The following MEGF11 variants were observed in gnomAD, a reference collection of about 807,000 sequenced individuals.
The protein encoded by MEGF11 is multiple epidermal growth factor-like domains protein 11.
A neutral mutation model predicts 146.6 loss-of-function variants in MEGF11; 126 were observed. That is an observed-to-expected ratio of 0.86 (90% CI 0.74 to 1.00). The LOEUF is 1.00. Ranked by LOEUF, MEGF11 falls within the 50% of genes least tolerant of loss-of-function variation. MEGF11 has a pLI of 0.00. For missense variants in MEGF11, 1,509 were observed against 1,521.2 expected, an observed-to-expected ratio of 0.99 and a Z score of 0.13; for synonymous variants, 532 against 583.4, an observed-to-expected ratio of 0.91 and a Z score of 1.27.
At chr15:66,191,369 AT>A (rs1323133109) in intron 1 of MEGF11, among the ~76,000 whole-genome samples, 1 of 152,210 alleles carries the variant, frequency 6.6e-6, no homozygotes, top group Non-Finnish European at 1.5e-5. Flanking sequence ...AGGGGTTTCA[AT>A]GGATGCTCTG....
intron 5 of MEGF11, among the ~76,000 whole-genome samples, chr15:66,022,536 C>T (rs1259646326): frequency 1.3e-5 from 2 of 152,326 alleles, no homozygotes; most frequent in Middle Eastern, 3.4e-3. Flanking sequence ...TTAAGCATTT[C>T]TGTTTGGGCC....
Position 66,161,567 on chromosome 15 carries a change from G to GT in MEGF11, c.-8-33157dup, listed in dbSNP as rs1226944692. Among the ~76,000 whole-genome samples the GT allele has an allele frequency of 2.6e-5, 4 of 152,010 alleles. No individual in the cohort carries two copies. The East Asian group carries it at 7.7e-4, about 29-fold the overall frequency. On this transcript the variant is annotated intron_variant, in intron 1 of 25. Transcript: ENST00000395614. ...TGCCTGGCTAAATTTTTGTTTGTTT[G>GT]TTTTTTGTGGAGACAGGGTTTCACC... is the stretch of plus-strand genomic sequence containing the variant.
At chr15:66,078,019 C>T (rs1321700179) in intron 5 of MEGF11, among the ~76,000 whole-genome samples, 1 of 152,018 alleles carries the variant, frequency 6.6e-6, no homozygotes, top group Non-Finnish European at 1.5e-5. Flanking sequence ...CAGTAGCCTC[C>T]CCACCTCCCA....
chr15:65,906,426 C>G (rs908901596), intron 23 of MEGF11, among the ~76,000 whole-genome samples: 3 of 152,216 alleles, frequency 2.0e-5, no homozygotes, highest in Non-Finnish European at 4.4e-5. Context: ...TCCCTTTAAC[C>G]TTCACCCTAG....
At chr15:66,045,575 G>A (rs2084172262) in intron 5 of MEGF11, among the ~76,000 whole-genome samples, 1 of 152,212 alleles carries the variant, frequency 6.6e-6, no homozygotes. Context: ...AGGCAGGTCT[G>A]GAAGACTAGT....
chr15:66,186,938 C>T (rs1274724099), intron 1 of MEGF11, among the ~76,000 whole-genome samples: 2 of 152,220 alleles, frequency 1.3e-5, no homozygotes. Flanking sequence ...ATCCTATCTA[C>T]AATTTTGTCT....
intron 5 of MEGF11, among the ~76,000 whole-genome samples, chr15:66,006,212 T>C (rs1324479467): frequency 6.6e-6 from 1 of 151,992 alleles, no homozygotes; most frequent in Non-Finnish European, 1.5e-5. Flanking sequence ...TGGGGAGAGA[T>C]GGGAATCAGG....
At chr15:66,132,407 C>A (rs2088683978) in intron 1 of MEGF11, among the ~76,000 whole-genome samples, 1 of 152,260 alleles carries the variant, frequency 6.6e-6, no homozygotes, top group Admixed American at 6.5e-5. Flanking sequence ...CTGGCTTCAT[C>A]CTCCTGACTG....
chr15:66,204,884 A>G (rs2091260497), intron 1 of MEGF11, among the ~76,000 whole-genome samples: 1 of 152,062 alleles, frequency 6.6e-6, no homozygotes. Context: ...TGTAAAACAA[A>G]CATAAGAAGA....
intron 4 of MEGF11, among the ~76,000 whole-genome samples, chr15:66,117,485 T>C (rs1441867129): frequency 1.3e-5 from 2 of 152,164 alleles, no homozygotes; most frequent in Admixed American, 1.3e-4. Context: ...CTGCTCTTCA[T>C]TTTCCAAGAG....
chr15:65,898,451 G>A, intron 25 of MEGF11: 1 of 985,234 alleles, frequency 1.0e-6, no homozygotes, highest in Middle Eastern at 5.2e-4. Flanking sequence ...CTGTGTGTGT[G>A]TGTGCGCGCG....
rs538803813 is a variant in MEGF11 at position 66,185,958 on chromosome 15, C to T, written c.-8-57547G>A. 2.0e-5 allele frequency among the ~76,000 whole-genome samples: 3 copies of T among 152,326 alleles called. No individual in the cohort carries two copies. In the South Asian group the frequency reaches 6.2e-4, roughly 32 times the overall value. On this transcript the variant is annotated intron_variant, in intron 1 of 25. Coordinates refer to ENST00000395614, the MANE Select transcript of MEGF11 (RefSeq NM_001385028.1). ...ACTCCTGCCCTTCTCTGTGCCATAG[C>T]ATTTGCTCATCATTTCCCTGCCTGA...
chr15:66,191,389 A>G (rs967059005), intron 1 of MEGF11, among the ~76,000 whole-genome samples: 1 of 152,192 alleles, frequency 6.6e-6, no homozygotes, highest in Non-Finnish European at 1.5e-5. Context: ...TGCATCACAT[A>G]GTTGGGTGGA....
At chr15:65,998,018 G>A (rs183442348) in intron 5 of MEGF11, among the ~76,000 whole-genome samples, 99 of 152,112 alleles carry the variant, frequency 6.5e-4, no homozygotes, top group Middle Eastern at 3.4e-3. Flanking sequence ...GTAGAGTCAA[G>A]GCACGGGCAG....
intron 1 of MEGF11, among the ~76,000 whole-genome samples, chr15:66,147,717 T>A (rs1250970513): frequency 6.6e-6 from 1 of 152,236 alleles, no homozygotes; most frequent in East Asian, 1.9e-4. Context: ...AGGAAGCAGG[T>A]GGTGCCTTCT....
At chr15:66,007,205 G>A (rs1459292241) in intron 5 of MEGF11, among the ~76,000 whole-genome samples, 2 of 152,296 alleles carry the variant, frequency 1.3e-5, no homozygotes, top group East Asian at 3.9e-4. Context: ...TTATGTTGAC[G>A]GCAGCGTTTA....
At chr15:66,206,683 G>A (rs574829037) in intron 1 of MEGF11, among the ~76,000 whole-genome samples, 73 of 152,132 alleles carry the variant, frequency 4.8e-4, no homozygotes, top group Non-Finnish European at 9.0e-4. Flanking sequence ...GGTGGATCAC[G>A]AGGTCAGGAG....
chr15:66,178,375 T>C (rs1426171967), intron 1 of MEGF11, among the ~76,000 whole-genome samples: 1 of 152,170 alleles, frequency 6.6e-6, no homozygotes. Context: ...TCCAGCTCCA[T>C]CCCAGTTAAC....
chr15:66,152,571 C>T (rs764544649), intron 1 of MEGF11, among the ~76,000 whole-genome samples: 2 of 152,216 alleles, frequency 1.3e-5, no homozygotes, highest in Admixed American at 1.3e-4. Context: ...GGGTTTGTCC[C>T]CTGAAACCTT....
Sources: gnomAD v4.1 joint callset for allele counts (sites outside exome capture counted in the v4.1 genomes callset) on GRCh38, gnomAD v4.1.1 for gene constraint, MANE v1.5 for transcripts, NCBI Gene and HGNC (gene_info 2026-07-23, HGNC 2026-07-21) for gene names.